The following DNER variants were observed in gnomAD, a reference collection of about 807,000 sequenced individuals.
The protein encoded by DNER is delta/notch like EGF repeat containing.
Under a neutral mutation model 78.2 loss-of-function variants are expected in DNER, and 33 were observed. The ratio of observed to expected loss-of-function variants is 0.42; its 90% confidence interval spans 0.32 to 0.56. DNER has a LOEUF of 0.56. Ranked by LOEUF, DNER falls within the 20% of genes least tolerant of loss-of-function variation. The pLI is 0.11. For missense variants in DNER, 918 were observed against 975.3 expected (o/e 0.94, Z 0.78); for synonymous variants, 417 against 384.8 (o/e 1.08, Z -0.98).
chr2:229,549,894 G>A (rs1696698696), intron 4 of DNER, among the ~76,000 whole-genome samples: 1 of 151,856 alleles, frequency 6.6e-6, no homozygotes, highest in African/African-American at 2.4e-5. Context: ...CTGGGTGACA[G>A]AGTGAGACTC....
At chr2:229,407,986 G>A (rs1395655379) in intron 9 of DNER, among the ~76,000 whole-genome samples, 11 of 152,260 alleles carry the variant, frequency 7.2e-5, no homozygotes, top group Admixed American at 2.0e-4. Flanking sequence ...GAAGCTGCCC[G>A]TAATCCCATC....
chr2:229,676,068 C>A (rs970072834), intron 1 of DNER, among the ~76,000 whole-genome samples: 2 of 152,148 alleles, frequency 1.3e-5, no homozygotes, highest in African/African-American at 4.8e-5. Context: ...TACACTGTTC[C>A]AAGCACAGGC....
chr2:229,445,966 A>G (rs566957414), intron 8 of DNER, among the ~76,000 whole-genome samples: 2 of 152,364 alleles, frequency 1.3e-5, no homozygotes, highest in South Asian at 4.1e-4. Flanking sequence ...ACACCATTCA[A>G]GTGCCAAATT....
chr2:229,407,042 C>A (rs994159375), intron 10 of DNER, among the ~76,000 whole-genome samples, 190 bp downstream of exon 10: 1 of 152,144 alleles, frequency 6.6e-6, no homozygotes, highest in African/African-American at 2.4e-5. Context: ...CTCAGAAAAG[C>A]CTCATTTAAT....
chr2:229,684,582 C>A (rs1699452955), intron 1 of DNER, among the ~76,000 whole-genome samples: 2 of 152,104 alleles, frequency 1.3e-5, no homozygotes, highest in Non-Finnish European at 2.9e-5. Context: ...GCCCCTCAGA[C>A]TTTACGTACC....
At chr2:229,383,641 C>A (rs1399128259) in intron 11 of DNER, among the ~76,000 whole-genome samples, 2 of 151,906 alleles carry the variant, frequency 1.3e-5, no homozygotes, top group Non-Finnish European at 2.9e-5. Flanking sequence ...TTTAAACCAA[C>A]AAAGATCAAA....
At chr2:229,416,402 C>G (rs371738568) in intron 9 of DNER, among the ~76,000 whole-genome samples, 6 of 152,282 alleles carry the variant, frequency 3.9e-5, no homozygotes, top group African/African-American at 1.2e-4. Context: ...GAAATCTTGG[C>G]AGAGACAGAC....
At position 229,477,008 on chromosome 2, in the gene DNER, T is replaced by C. The variant is rs141340727; in HGVS notation, c.1261+132A>G. 717 of 651,994 alleles carry C rather than the reference T, an allele frequency of 1.1e-3. 8 individuals carry two copies. The African/African-American group carries it at 0.012, about 11-fold the overall frequency. The allele number at this position is 651,994 out of a possible 1,614,324, so 40.4% of individuals were successfully genotyped here. A position where few individuals can be genotyped will look rare whatever the true frequency, so the allele number is the denominator to read the frequency against. On this transcript the variant is annotated intron_variant, in intron 7 of 12. Transcript: ENST00000341772. ...TAAAAAGGGGGACTATCTTCTATTT[T>C]TGTTTTATAAATCAAACAAAACAGG...
chr2:229,664,217 G>C (rs1699053860), intron 1 of DNER, among the ~76,000 whole-genome samples: 1 of 151,956 alleles, frequency 6.6e-6, no homozygotes, highest in Admixed American at 6.6e-5. Context: ...TTTTCTCCCA[G>C]TCTACACTGT....
At chr2:229,538,905 T>G (rs936214166) in intron 5 of DNER, among the ~76,000 whole-genome samples, 1 of 152,210 alleles carries the variant, frequency 6.6e-6, no homozygotes, top group African/African-American at 2.4e-5. Context: ...CACTGGTTTA[T>G]CAAGTATTTC....
intron 4 of DNER, among the ~76,000 whole-genome samples, chr2:229,561,347 A>T (rs1225947687): frequency 6.6e-6 from 1 of 152,194 alleles, no homozygotes; most frequent in African/African-American, 2.4e-5. Flanking sequence ...AGATACTGTG[A>T]TGATATCCTA....
At chr2:229,633,561 T>C (rs1344209281) in intron 1 of DNER, among the ~76,000 whole-genome samples, 1 of 152,260 alleles carries the variant, frequency 6.6e-6, no homozygotes, top group Admixed American at 6.5e-5. Context: ...AAACAATGAT[T>C]TAAGATTTTA....
At chr2:229,400,875 G>A (rs992302664) in intron 10 of DNER, among the ~76,000 whole-genome samples, 41 of 152,082 alleles carry the variant, frequency 2.7e-4, no homozygotes, top group Middle Eastern at 6.8e-3. Flanking sequence ...GTATGGAAAG[G>A]GAGAGAAGGA....
chr2:229,630,647 A>G (rs1261759369), intron 1 of DNER, among the ~76,000 whole-genome samples: 1 of 152,000 alleles, frequency 6.6e-6, no homozygotes, highest in Non-Finnish European at 1.5e-5. Flanking sequence ...TAAAAGAAAA[A>G]TCAACTTTTT....
chr2:229,636,305 C>T (rs1275603559), intron 1 of DNER, among the ~76,000 whole-genome samples: 1 of 152,226 alleles, frequency 6.6e-6, no homozygotes, highest in Non-Finnish European at 1.5e-5. Flanking sequence ...TGCTCCCTGC[C>T]CTGGTTGCAA....
intron 1 of DNER, among the ~76,000 whole-genome samples, chr2:229,617,962 C>CA (rs538193252): frequency 8.8e-4 from 134 of 151,896 alleles, no homozygotes; most frequent in African/African-American, 3.2e-3. Context: ...AACACTGTCT[C>CA]AAAAAACAAA....
chr2:229,380,073 A>G (rs59232486), intron 11 of DNER, among the ~76,000 whole-genome samples: 4,469 of 152,160 alleles, frequency 0.029, 97 homozygotes, highest in African/African-American at 0.06. Flanking sequence ...GCAGGTAAGA[A>G]GCTAAATCAT....
chr2:229,456,967 GA>G (rs1694588420), intron 7 of DNER, among the ~76,000 whole-genome samples: 1 of 151,868 alleles, frequency 6.6e-6, no homozygotes, highest in Non-Finnish European at 1.5e-5. Flanking sequence ...AAGATTGACA[GA>G]TGACTTGTCA....
chr2:229,588,302 G>A (rs959623219), intron 3 of DNER, 92 bp downstream of exon 3: 10 of 1,138,378 alleles, frequency 8.8e-6, no homozygotes, highest in Non-Finnish European at 1.3e-5. Flanking sequence ...TCACTTGACA[G>A]GCCACTTACA....
Sources: allele counts gnomAD v4.1 joint callset (sites outside exome capture counted in the v4.1 genomes callset), GRCh38; gene constraint gnomAD v4.1.1; transcripts MANE v1.5; gene names NCBI Gene and HGNC (gene_info 2026-07-23, HGNC 2026-07-21).